Variants in NELL1 observed in about 807,000 individuals in gnomAD.
NELL1 encodes protein kinase C-binding protein NELL1.
A neutral mutation model predicts 107.4 loss-of-function variants in NELL1; 76 were observed. The observed-to-expected ratio is 0.71, with a 90% confidence interval of 0.59 to 0.86. NELL1 has a LOEUF of 0.86. NELL1 is among the 40% of genes least tolerant of loss of function. The pLI is 0.00. For missense variants in NELL1, 1,024 were observed against 1,005.5 expected, an observed-to-expected ratio of 1.02 and a Z score of -0.25; for synonymous variants, 353 against 341.2, an observed-to-expected ratio of 1.03 and a Z score of -0.38.
chr11:21,300,780 C>G (rs1203422283), intron 14 of NELL1, among the ~76,000 whole-genome samples: 3 of 151,866 alleles, frequency 2.0e-5, no homozygotes, highest in Non-Finnish European at 4.4e-5. Flanking sequence ...ATACTTTAAG[C>G]TCTAGGGTAC....
intron 14 of NELL1, among the ~76,000 whole-genome samples, chr11:21,232,146 A>AT (rs1491156895): frequency 1.3e-4 from 4 of 31,492 alleles, no homozygotes; most frequent in African/African-American, 5.1e-4. Flanking sequence ...CTAAAAAAAA[A>AT]TAAAAAAAAA....
rs1473452807 is a variant in NELL1, at chr11:20,791,955, G to A, written c.335+8125G>A. On this transcript the variant is annotated intron_variant, in intron 3 of 19. Transcript: ENST00000357134. ...AGCTATACCAAACTTGCATTCCTGG[G>A]ATAAATTCCACTTGGCTATGTTCCA... Among the ~76,000 whole-genome samples, 3 of 152,074 alleles carry A rather than the reference G, an allele frequency of 2.0e-5. No individual in the cohort carries two copies. The East Asian group carries it at 5.8e-4, about 29-fold the overall frequency.
chr11:21,186,704 T>C (rs1318812120), intron 13 of NELL1, among the ~76,000 whole-genome samples: 4 of 151,850 alleles, frequency 2.6e-5, no homozygotes, highest in Admixed American at 2.6e-4. Context: ...GGAAAATCAG[T>C]CTCATTTTTA....
intron 15 of NELL1, among the ~76,000 whole-genome samples, chr11:21,496,412 T>G (rs1336281345): frequency 6.7e-6 from 1 of 149,994 alleles, no homozygotes; most frequent in Non-Finnish European, 1.5e-5. Context: ...TCTCTTGTTT[T>G]TTTTTTTTTT....
intron 3 of NELL1, among the ~76,000 whole-genome samples, chr11:20,798,767 A>G (rs1011933204): frequency 9.9e-5 from 15 of 152,212 alleles, no homozygotes; most frequent in Admixed American, 4.6e-4. Context: ...TGCTTTGTCA[A>G]TGAATATCCA....
intron 14 of NELL1, among the ~76,000 whole-genome samples, chr11:21,270,822 C>A (rs1431504081): frequency 6.6e-6 from 1 of 152,060 alleles, no homozygotes; most frequent in Non-Finnish European, 1.5e-5. Flanking sequence ...AATTATCATA[C>A]AATATCTGCA....
At chr11:21,483,534 A>G (rs529019784) in intron 15 of NELL1, among the ~76,000 whole-genome samples, 1 of 152,234 alleles carries the variant, frequency 6.6e-6, no homozygotes, top group African/African-American at 2.4e-5. Context: ...TGCAGTAATT[A>G]TCCTGTTCGT....
At chr11:21,460,451 C>G (rs1853871505) in intron 15 of NELL1, among the ~76,000 whole-genome samples, 1 of 152,080 alleles carries the variant, frequency 6.6e-6, no homozygotes, top group African/African-American at 2.4e-5. Flanking sequence ...GAAGCTAATT[C>G]TGCCTTGGTT....
intron 12 of NELL1, among the ~76,000 whole-genome samples, chr11:21,049,681 CT>C (rs60727957): frequency 0.38 from 56,747 of 148,502 alleles, 13,109 homozygotes; most frequent in African/African-American, 0.65. Context: ...GACTCAATAA[CT>C]TTTTTTTTTT....
At chr11:20,917,537 A>T (rs1280831197) in intron 5 of NELL1, among the ~76,000 whole-genome samples, 1 of 151,972 alleles carries the variant, frequency 6.6e-6, no homozygotes, top group Non-Finnish European at 1.5e-5. Flanking sequence ...AAAAAACCCT[A>T]ACAACAGAAT....
intron 14 of NELL1, among the ~76,000 whole-genome samples, chr11:21,277,945 G>A (rs1468372161): frequency 2.0e-5 from 3 of 152,064 alleles, no homozygotes; most frequent in Non-Finnish European, 2.9e-5. Flanking sequence ...TATACCTAAT[G>A]TTAAATGACG....
chr11:21,111,491 G>A (rs1296308794), intron 12 of NELL1, among the ~76,000 whole-genome samples: 1 of 152,038 alleles, frequency 6.6e-6, no homozygotes, highest in East Asian at 1.9e-4. Context: ...GGGAAGGCAT[G>A]GTGGCTTAAG....
At chr11:20,833,149 TC>T (rs1353919425) in intron 3 of NELL1, among the ~76,000 whole-genome samples, 1 of 152,222 alleles carries the variant, frequency 6.6e-6, no homozygotes, top group Non-Finnish European at 1.5e-5. Context: ...ATTTAACTTC[TC>T]TCTGACTTGC....
At chr11:21,056,075 T>G (rs1275785832) in intron 12 of NELL1, among the ~76,000 whole-genome samples, 2 of 152,086 alleles carry the variant, frequency 1.3e-5, no homozygotes, top group Non-Finnish European at 2.9e-5. Flanking sequence ...AACATGCTGA[T>G]GAGGATATCC....
At chr11:21,261,013 A>G (rs1848518516) in intron 14 of NELL1, among the ~76,000 whole-genome samples, 1 of 151,814 alleles carries the variant, frequency 6.6e-6, no homozygotes. Context: ...AGAACCCTCT[A>G]TACCTTATTG....
chr11:21,258,451 G>A (rs1302783648), intron 14 of NELL1, among the ~76,000 whole-genome samples: 1 of 151,968 alleles, frequency 6.6e-6, no homozygotes, highest in East Asian at 1.9e-4. Flanking sequence ...ATGATATTAT[G>A]TATTTATTAC....
chr11:21,251,320 A>G (rs1858631871), intron 14 of NELL1, among the ~76,000 whole-genome samples: 1 of 152,150 alleles, frequency 6.6e-6, no homozygotes, highest in Non-Finnish European at 1.5e-5. Flanking sequence ...AGGTGAGGGC[A>G]TTCAGATCCT....
rs544296600 is a variant in NELL1 at position 21,404,254 on chromosome 11, A to AT, written c.1645+33310dup. On this transcript the variant is annotated intron_variant, in intron 15 of 19. Transcript: ENST00000357134. ...TCCTACCACATTTGCCTATACTTAT[A>AT]TTTTCCTTTTACTGGACCCACAGTA... Among the ~76,000 whole-genome samples, 13 of 151,870 alleles carry AT rather than the reference A, an allele frequency of 8.6e-5. No homozygotes were observed. The South Asian group carries it at 2.3e-3, about 27-fold the overall frequency.
At chr11:21,559,762 A>G (rs1591036231) in intron 16 of NELL1, among the ~76,000 whole-genome samples, 1 of 152,038 alleles carries the variant, frequency 6.6e-6, no homozygotes, top group African/African-American at 2.4e-5. Context: ...AAAGACTCAG[A>G]TCTCCATGGT....
Sources: gnomAD v4.1 joint callset for allele counts (sites outside exome capture counted in the v4.1 genomes callset) on GRCh38, gnomAD v4.1.1 for gene constraint, MANE v1.5 for transcripts, NCBI Gene and HGNC (gene_info 2026-07-23, HGNC 2026-07-21) for gene names.